CACNA2D2: variants seen among roughly 807,000 people sequenced by gnomAD.
CACNA2D2 encodes calcium voltage-gated channel auxiliary subunit alpha2delta 2.
A neutral mutation model predicts 166.4 loss-of-function variants in CACNA2D2; 48 were observed. The observed-to-expected ratio is 0.29, with a 90% CI of 0.23 to 0.37. The LOEUF (loss-of-function observed/expected upper bound fraction) is 0.37, where lower values mean the gene tolerates loss of function less well. Among genes scored for constraint, CACNA2D2 ranks in the 10% least tolerant of loss-of-function variants. The pLI is 1.00. For synonymous variants in CACNA2D2, 561 were observed against 573.7 expected, an observed-to-expected ratio of 0.98 and a Z score of 0.32; for missense variants, 1,122 against 1,433.0, an observed-to-expected ratio of 0.78 and a Z score of 3.50.
rs587699238 is a variant in CACNA2D2 at position 50,369,866 on chromosome 3, G to A, written c.2045+454C>T. On this transcript the variant is annotated intron_variant, in intron 23 of 37. Transcript: ENST00000424201. Reference sequence around the variant, plus strand: ...TACCACGCCTAGACCCGGCACTGCCGACAGGGGCTCTGGCTGGCTCGGCCC... The same window carrying A: ...TACCACGCCTAGACCCGGCACTGCCAACAGGGGCTCTGGCTGGCTCGGCCC... Among the ~76,000 whole-genome samples, 118 of 152,352 alleles carry A rather than the reference G, an allele frequency of 7.7e-4. 1 individual carries two copies. Among genetic ancestry groups the A allele is most frequent in the African/African-American group, 2.7e-3 (113 of 41,576 alleles).
Position 50,378,269 on chromosome 3 carries a change from C to G in CACNA2D2, c.1389+15G>C. ...GAAGCCAGGGGCTGGGAGGAGGGGCCTCCCCAAGTCTCACCTGTGTGTTGA... is the reference window on the plus strand; with the variant it reads ...GAAGCCAGGGGCTGGGAGGAGGGGCGTCCCCAAGTCTCACCTGTGTGTTGA... On this transcript the variant is annotated intron_variant, in intron 14 of 37. Coordinates refer to ENST00000424201, the MANE Select transcript of CACNA2D2 (RefSeq NM_006030.4). The G allele has an allele frequency of 6.4e-7, 1 of 1,553,890 alleles. No homozygotes were observed. Among genetic ancestry groups the G allele is most frequent in the Non-Finnish European group, 8.7e-7 (1 of 1,148,412 alleles).
intron 3 of CACNA2D2, among the ~76,000 whole-genome samples, chr3:50,395,102 G>A (rs1436746873): frequency 1.3e-5 from 2 of 152,156 alleles, no homozygotes; most frequent in Non-Finnish European, 2.9e-5. Context: ...GTCTGGCCTC[G>A]GGGGCCTTCT....
chr3:50,449,575 C>A (rs974666804), intron 2 of CACNA2D2, among the ~76,000 whole-genome samples: 6 of 152,146 alleles, frequency 3.9e-5, no homozygotes, highest in African/African-American at 1.4e-4. Context: ...CATAAAAGGG[C>A]AGACCCAGCC....
chr3:50,393,086 CCT>C (rs977896877), intron 4 of CACNA2D2, among the ~76,000 whole-genome samples: 5 of 152,114 alleles, frequency 3.3e-5, no homozygotes, highest in African/African-American at 4.8e-5. Context: ...GGCATGAGCC[CCT>C]GACACCCGAC....
chr3:50,366,385 G>A lies in CACNA2D2; in HGVS notation c.2638-47C>T, dbSNP rs766896040. The A allele has an allele frequency of 1.1e-5, 18 of 1,593,388 alleles. No homozygotes were observed. Among genetic ancestry groups the A allele is most frequent in the East Asian group, 4.5e-5 (2 of 44,796 alleles). On this transcript the variant is annotated intron_variant, in intron 30 of 37. Transcript: ENST00000424201. This position sits in a 1 kb window ranked among gnomAD's most constrained non-coding sequence, Gnocchi z 5.9. ...GGAAAATGGAGAGGGGCTGGGCCCC[G>A]GACCTTCCACCGCAGGCAGTCCAGT...
intron 4 of CACNA2D2, among the ~76,000 whole-genome samples, chr3:50,388,770 G>A (rs753395945): frequency 1.3e-5 from 2 of 152,220 alleles, no homozygotes; most frequent in African/African-American, 2.4e-5. Context: ...CACGGGCTCC[G>A]TCAGTACCTG....
intron 1 of CACNA2D2, among the ~76,000 whole-genome samples, chr3:50,483,199 T>C (rs1245512695): frequency 6.6e-6 from 1 of 152,140 alleles, no homozygotes; most frequent in Non-Finnish European, 1.5e-5. Flanking sequence ...TGTGATTCAG[T>C]TGAAGGGACC....
At chr3:50,476,035 C>T in intron 2 of CACNA2D2, 83 bp downstream of exon 2, 1 of 1,264,088 alleles carries the variant, frequency 7.9e-7, no homozygotes, top group East Asian at 2.5e-5. Context: ...TAAACCAAAT[C>T]TTCCTCACTC....
chr3:50,377,842 G>C lies in CACNA2D2; in HGVS notation c.1480-39C>G, dbSNP rs770172586. On this transcript the variant is annotated intron_variant, in intron 15 of 37. Coordinates refer to ENST00000424201, the MANE Select transcript of CACNA2D2 (RefSeq NM_006030.4). ...AAGATGATGGAGTCACCTGTGGCCA[G>C]CACTGACCCCACCCTGAGTGTTCAG... 13 of 1,568,676 alleles carry C rather than the reference G, an allele frequency of 8.3e-6. No individual in the cohort carries two copies. The South Asian group carries it at 1.5e-4, about 18-fold the overall frequency.
chr3:50,388,746 C>T (rs587699104), intron 4 of CACNA2D2, among the ~76,000 whole-genome samples: 1 of 152,346 alleles, frequency 6.6e-6, no homozygotes, highest in Admixed American at 6.5e-5. Context: ...AGGGGCCTGG[C>T]TGTGGTGACT....
In CACNA2D2 at chr3:50,499,087, A is replaced by G. The variant is rs569125151; in HGVS notation, c.206+4131T>C. ...CCCCACCACAGTCAAGCTGTGTTGCAGGGAGTGAGGGAGGGAGGTGGCCCA... is the reference window on the plus strand; with the variant it reads ...CCCCACCACAGTCAAGCTGTGTTGCGGGGAGTGAGGGAGGGAGGTGGCCCA... On this transcript the variant is annotated intron_variant, in intron 1 of 37. Transcript: ENST00000424201. Among the ~76,000 whole-genome samples the G allele has an allele frequency of 2.6e-5, 4 of 152,286 alleles. No homozygotes were observed. The East Asian group carries it at 7.7e-4, about 29-fold the overall frequency.
In CACNA2D2 at chr3:50,364,653, T is replaced by C; in HGVS notation, c.*13A>G. The C allele has an allele frequency of 1.3e-6, 2 of 1,494,814 alleles. No homozygotes were observed. Among genetic ancestry groups the C allele is most frequent in the Non-Finnish European group, 1.8e-6 (2 of 1,120,610 alleles). The allele number at this position is 1,494,814 out of a possible 1,614,324, so 92.6% of individuals were successfully genotyped here. ...GGGTGAGGTGGGAGTGGAGGTGGGG[T>C]GGGGCAGGGTGCTCAGAGGCGGCGA... On this transcript the variant is annotated 3_prime_UTR_variant, in exon 38 of 38. Coordinates refer to ENST00000424201, the MANE Select transcript of CACNA2D2 (RefSeq NM_006030.4).
intron 3 of CACNA2D2, among the ~76,000 whole-genome samples, chr3:50,430,238 G>A (rs1054590672): frequency 2.0e-5 from 3 of 152,162 alleles, no homozygotes; most frequent in East Asian, 1.9e-4. Context: ...AACCAAGCCC[G>A]CTGAGCCTCG....
chr3:50,387,473 A>T, intron 5 of CACNA2D2, 95 bp downstream of exon 5: 1 of 1,041,150 alleles, frequency 9.6e-7, no homozygotes, highest in Non-Finnish European at 1.5e-6. Flanking sequence ...TGCAGGGTTG[A>T]GCTCAGAATG....
chr3:50,390,032 G>A (rs972319425), intron 4 of CACNA2D2, among the ~76,000 whole-genome samples: 1 of 152,132 alleles, frequency 6.6e-6, no homozygotes, highest in African/African-American at 2.4e-5. Context: ...GAGGGTCCCT[G>A]AGAAGGCCTC....
intron 4 of CACNA2D2, among the ~76,000 whole-genome samples, chr3:50,390,853 T>G (rs1162717837): frequency 6.6e-6 from 1 of 152,182 alleles, no homozygotes; most frequent in African/African-American, 2.4e-5. Flanking sequence ...GCCATCCAAG[T>G]TCAGTGCTTG....
chr3:50,407,691 A>G (rs1386975325), intron 3 of CACNA2D2, among the ~76,000 whole-genome samples: 10 of 152,158 alleles, frequency 6.6e-5, no homozygotes. Flanking sequence ...GCCTCATAAG[A>G]CTGTGAGGAT....
intron 2 of CACNA2D2, among the ~76,000 whole-genome samples, chr3:50,470,832 T>C (rs1470396480): frequency 6.6e-6 from 1 of 151,990 alleles, no homozygotes; most frequent in Non-Finnish European, 1.5e-5. Context: ...CTCCTATGCA[T>C]CTGCCTCTCT....
At chr3:50,470,408 A>G (rs1191094838) in intron 2 of CACNA2D2, among the ~76,000 whole-genome samples, 1 of 152,146 alleles carries the variant, frequency 6.6e-6, no homozygotes, top group Non-Finnish European at 1.5e-5. Context: ...TGGGACAGGC[A>G]TCCCAGGACA....
Sources: gnomAD v4.1 joint callset for allele counts (sites outside exome capture counted in the v4.1 genomes callset) on GRCh38, gnomAD v4.1.1 for gene constraint, Gnocchi (gnomAD v3.1) non-coding constraint, MANE v1.5 for transcripts, NCBI Gene and HGNC (gene_info 2026-07-23, HGNC 2026-07-21) for gene names.